ZBTB8OS: variants seen among roughly 807,000 people sequenced by gnomAD.
ZBTB8OS encodes tRNA splicing ligase complex subunit 1, also known as tRNA-splicing ligase-activating factor archease.
A neutral mutation model predicts 29.3 loss-of-function variants in ZBTB8OS; 16 were observed. That is an observed-to-expected ratio of 0.55 (90% CI 0.37 to 0.83). The LOEUF (loss-of-function observed/expected upper bound fraction) is 0.83. ZBTB8OS is among the 40% of genes least tolerant of loss of function. ZBTB8OS has a pLI of 0.00. For synonymous variants in ZBTB8OS, 70 were observed against 64.6 expected, an observed-to-expected ratio of 1.08 and a Z score of -0.40; for missense variants, 160 against 196.9, an observed-to-expected ratio of 0.81 and a Z score of 1.12.
At chr1:32,634,583 A>G in intron 2 of ZBTB8OS, 185 bp downstream of exon 2, 2 of 667,794 alleles carry the variant, frequency 3.0e-6, no homozygotes, top group Non-Finnish European at 5.3e-6. Context: ...GCTGGGGTGC[A>G]GTGGTGCAAT....
chr1:32,627,668 TTAAG>T, intron 5 of ZBTB8OS, 124 bp from the exon 6 acceptor site: 1 of 793,508 alleles, frequency 1.3e-6, no homozygotes, highest in Non-Finnish European at 2.1e-6. Flanking sequence ...CAGGGAGCTG[TTAAG>T]TTTCATTTTC....
intron 1 of ZBTB8OS, among the ~76,000 whole-genome samples, chr1:32,645,528 A>G (rs1455864288): frequency 6.6e-6 from 1 of 152,158 alleles, no homozygotes; most frequent in Non-Finnish European, 1.5e-5. Flanking sequence ...TGCTGTCTCA[A>G]TTTGTACTAA....
chr1:32,642,534 C>G (rs76383413), intron 1 of ZBTB8OS, among the ~76,000 whole-genome samples: 1 of 150,518 alleles, frequency 6.6e-6, no homozygotes, highest in Non-Finnish European at 1.5e-5. Context: ...AGAAATGGCC[C>G]GGCAAAGCTG....
chr1:32,641,601 C>A lies in ZBTB8OS; in HGVS notation c.98-6809G>T, dbSNP rs1646410646. ...ATTGTTCTTTTCCACAAGTAATCAA[C>A]ACTTAACATGCCACAAAAGTACTTT... On this transcript the variant is annotated intron_variant, in intron 1 of 6. Transcript: ENST00000468695. Among the ~76,000 whole-genome samples, 3 of 145,794 alleles carry A rather than the reference C, an allele frequency of 2.1e-5. No individual in the cohort carries two copies. In the South Asian group the frequency reaches 7.0e-4, roughly 34 times the overall value.
At chr1:32,638,828 C>T (rs1038373580) in intron 1 of ZBTB8OS, among the ~76,000 whole-genome samples, 2 of 151,858 alleles carry the variant, frequency 1.3e-5, no homozygotes, top group East Asian at 3.9e-4. Flanking sequence ...GCATGAAAAT[C>T]GCTTGAACCC....
At chr1:32,649,633 AACACACAC>A (rs962422171) in intron 1 of ZBTB8OS, among the ~76,000 whole-genome samples, 5 of 54,092 alleles carry the variant, frequency 9.2e-5, no homozygotes, top group African/African-American at 2.7e-4. Flanking sequence ...CATCTCTAAA[AACACACAC>A]ACACACACAC....
chr1:32,641,010 CAAA>C lies in ZBTB8OS; in HGVS notation c.98-6221_98-6219del, dbSNP rs530189429. Among the ~76,000 whole-genome samples the C allele has an allele frequency of 1.5e-4, 16 of 104,782 alleles. 1 individual carries two copies. The highest frequency in any genetic ancestry group is 6.2e-4 in the African/African-American group (16 of 25,752). 68.7% of individuals were successfully genotyped at this position (104,782 alleles called of 152,430 possible). A position where few individuals can be genotyped will look rare whatever the true frequency, so the allele number is the denominator to read the frequency against. On this transcript the variant is annotated intron_variant, in intron 1 of 6. Coordinates refer to ENST00000468695, the MANE Select transcript of ZBTB8OS (RefSeq NM_178547.5). ...TGAAACCCTGTCTCTACTAAAAATACAAAAAAAAAAAAATTAGCTGGGCATGGT... is the reference window on the plus strand; with the variant it reads ...TGAAACCCTGTCTCTACTAAAAATACAAAAAAAAAATTAGCTGGGCATGGT...
chr1:32,633,480 G>A, intron 4 of ZBTB8OS, 165 bp downstream of exon 4: 1 of 553,754 alleles, frequency 1.8e-6, no homozygotes. Flanking sequence ...GCAAATGCAG[G>A]TTAACCAGGA....
chr1:32,625,269 C>T (rs960215309), intron 6 of ZBTB8OS, among the ~76,000 whole-genome samples: 2 of 149,302 alleles, frequency 1.3e-5, no homozygotes, highest in Non-Finnish European at 3.0e-5. Context: ...GTTGGCTGGG[C>T]GCGATGGCTC....
rs1321000762 is a variant in ZBTB8OS at position 32,650,521 on chromosome 1, C to T, written c.9G>A (p.Gln3=). The T allele has an allele frequency of 6.2e-7, 1 of 1,614,066 alleles. No homozygotes were observed. The highest frequency in any genetic ancestry group is 8.5e-7 in the Non-Finnish European group (1 of 1,180,040). The stretch of plus-strand genomic sequence containing the variant: ...TGTAATCTCTAACATCTTCCTCTTC[C>T]TGCGCCATGACTGCAGGATTAGACA... MA[Q]EEEDVRDYNL... The change falls in exon 1 of 7, where the codon CAG becomes CAA. Residue 3 remains glutamine, a synonymous_variant. Transcript: ENST00000468695.
intron 1 of ZBTB8OS, among the ~76,000 whole-genome samples, chr1:32,638,341 C>T (rs751678922): frequency 2.7e-5 from 4 of 149,208 alleles, no homozygotes; most frequent in East Asian, 2.0e-4. Context: ...TACAGGCATG[C>T]GCCACCATGC....
At chr1:32,647,212 T>C (rs373524660) in intron 1 of ZBTB8OS, among the ~76,000 whole-genome samples, 11 of 142,548 alleles carry the variant, frequency 7.7e-5, no homozygotes, top group African/African-American at 3.1e-4. Context: ...CTACTAAAAA[T>C]ACAAAATTAG....
At position 32,650,199 on chromosome 1, in the gene ZBTB8OS, G is replaced by A. The variant is rs1246319552; in HGVS notation, c.97+234C>T. ...TAAATGTGATTAGGCACATGTGGAA[G>A]AAGTTCAAGAGACTGTAAATGAGGG... On this transcript the variant is annotated intron_variant, in intron 1 of 6. Coordinates refer to ENST00000468695, the MANE Select transcript of ZBTB8OS (RefSeq NM_178547.5). 6.6e-5 allele frequency among the ~76,000 whole-genome samples: 10 copies of A among 152,266 alleles called. 1 individual carries two copies. The East Asian group carries it at 1.9e-3, about 29-fold the overall frequency.
chr1:32,643,396 GT>G (rs796606282), intron 1 of ZBTB8OS, among the ~76,000 whole-genome samples: 6 of 2,458 alleles, frequency 2.4e-3, no homozygotes, highest in South Asian at 0.042. Context: ...TTAGTTTTTG[GT>G]TTTTTTTTCT....
chr1:32,627,796 G>A (rs758798410), intron 5 of ZBTB8OS: 117 of 475,986 alleles, frequency 2.5e-4, no homozygotes, highest in Middle Eastern at 5.7e-4. Context: ...TGGCACTTCC[G>A]GAGGCCAAAG....
chr1:32,639,272 T>C (rs893411652), intron 1 of ZBTB8OS, among the ~76,000 whole-genome samples: 1 of 149,380 alleles, frequency 6.7e-6, no homozygotes, highest in African/African-American at 2.5e-5. Context: ...CACTCCAGCC[T>C]GGGCAACAGA....
At chr1:32,634,376 A>G in intron 2 of ZBTB8OS, 1 of 309,620 alleles carries the variant, frequency 3.2e-6, no homozygotes, top group Non-Finnish European at 5.9e-6. Flanking sequence ...ACAGGCAGGC[A>G]CCACCAGACC....
chr1:32,649,631 AAAACACACACAC>A (rs1256681648), intron 1 of ZBTB8OS, among the ~76,000 whole-genome samples: 1 of 16,408 alleles, frequency 6.1e-5, no homozygotes, highest in African/African-American at 9.0e-5. Context: ...CCCATCTCTA[AAAACACACACAC>A]ACACACACAC....
Position 32,634,757 on chromosome 1 carries a change from G to A in ZBTB8OS, c.122+11C>T, listed in dbSNP as rs749528717. On this transcript the variant is annotated intron_variant, in intron 2 of 6. Transcript: ENST00000468695. ...CGTGGTTTCAAAGGAATGAACTCCC[G>A]CTATACTCACTGGACATCTGCTGTA... is the stretch of plus-strand genomic sequence containing the variant. 14 of 1,613,826 alleles carry A rather than the reference G, an allele frequency of 8.7e-6. No individual in the cohort carries two copies. Among genetic ancestry groups the A allele is most frequent in the East Asian group, 6.7e-5 (3 of 44,880 alleles).
Sources: allele counts gnomAD v4.1 joint callset (sites outside exome capture counted in the v4.1 genomes callset), GRCh38; gene constraint gnomAD v4.1.1; transcripts MANE v1.5; gene names NCBI Gene and HGNC (gene_info 2026-07-23, HGNC 2026-07-21).